Variants in OR1D2 observed in about 807,000 individuals in gnomAD.
The protein encoded by OR1D2 is olfactory receptor family 1 subfamily D member 2, also known as olfactory receptor 1D2.
For synonymous variants in OR1D2, 157 were observed against 153.9 expected (o/e 1.02, Z -0.15); for missense variants, 357 against 376.1 (o/e 0.95, Z 0.42).
intron 1 of OR1D2, among the ~76,000 whole-genome samples, chr17:3,097,608 CA>C (rs1303111224): frequency 6.6e-6 from 1 of 152,180 alleles, no homozygotes; most frequent in African/African-American, 2.4e-5. Context: ...CAGAGCTGTG[CA>C]GATTCTCAAC....
rs991963925 is a variant in OR1D2 at position 3,092,949 on chromosome 17, C to A, written c.48G>T (p.Gly16=). The change falls in exon 2 of 2, where the codon GGG becomes GGT. Residue 16 remains glycine (G), a synonymous_variant. Transcript: ENST00000641833. ...QSEGSEFLLL[G]MSESPEQQRI... is the part of the protein sequence containing the mutation. ...GCTGCTGCTCAGGACTCTCTGACAT[C>A]CCCAGGAGAAGGAACTCTGAACCTT... 8 of 1,613,878 alleles carry A rather than the reference C, an allele frequency of 5.0e-6. No homozygotes were observed. The highest frequency in any genetic ancestry group is 4.0e-5 in the African/African-American group (3 of 74,876).
At position 3,088,932 on chromosome 17, in the gene OR1D2, C is replaced by T. The variant is rs192935131; in HGVS notation, c.*3126G>A. ...TAAGTTGAACTTCACCTTTCTCGGGCACCTCCTTGATTAGCTTAATACTCA... is the reference window on the plus strand; with the variant it reads ...TAAGTTGAACTTCACCTTTCTCGGGTACCTCCTTGATTAGCTTAATACTCA... On this transcript the variant is annotated 3_prime_UTR_variant, in exon 2 of 2. Coordinates refer to ENST00000641833, the MANE Select transcript of OR1D2 (RefSeq NM_002548.3). The T allele has an allele frequency of 3.3e-5, 5 of 151,808 alleles. No homozygotes were observed. The East Asian group carries it at 7.8e-4, about 24-fold the overall frequency. 9.4% of individuals were successfully genotyped at this position (151,808 alleles called of 1,614,324 possible).
In OR1D2 at chr17:3,092,135, T is replaced by C. The variant is rs140300782; in HGVS notation, c.862A>G (p.Ile288Val). The C allele has an allele frequency of 3.1e-4, 495 of 1,614,190 alleles. 3 individuals are homozygous for C. In the African/African-American group the frequency reaches 5.5e-3, roughly 18 times the overall value. ...AVVTPMMNPF[I>V]YSLRNKDMHG... ...ATGTCCTTGTTCCTCAGGCTGTAGA[T>C]GAAGGGATTCATCATGGGTGTCACC... The change falls in exon 2 of 2, where the codon ATC becomes GTC. Residue 288 changes from isoleucine (I) to valine (V), a missense_variant. Ile to Val is a conservative substitution (Grantham distance 29, BLOSUM62 3). Coordinates refer to ENST00000641833, the MANE Select transcript of OR1D2 (RefSeq NM_002548.3).
intron 1 of OR1D2, among the ~76,000 whole-genome samples, chr17:3,094,019 G>A (rs976752697): frequency 2.0e-5 from 3 of 152,296 alleles, no homozygotes; most frequent in Admixed American, 2.0e-4. Flanking sequence ...ACAGGGTGAT[G>A]CTTGCACATC....
chr17:3,090,554 TGAA>T lies in OR1D2; in HGVS notation c.*1501_*1503del, dbSNP rs2047800484. On this transcript the variant is annotated 3_prime_UTR_variant, in exon 2 of 2. Coordinates refer to ENST00000641833, the MANE Select transcript of OR1D2 (RefSeq NM_002548.3). ...AGCTTCACATTTGTGTTTGCACATT[TGAA>T]GAAGCAGTCATCTCTTTTAGTCTTT... 6.6e-6 allele frequency: 1 copy of T among 152,292 alleles called. No homozygotes were observed. The highest frequency in any genetic ancestry group is 2.4e-5 in the African/African-American group (1 of 41,476). The allele number at this position is 152,292 out of a possible 1,614,324, so 9.4% of individuals were successfully genotyped here.
chr17:3,094,324 C>A, intron 1 of OR1D2, among the ~76,000 whole-genome samples: 1 of 152,036 alleles, frequency 6.6e-6, no homozygotes, highest in Admixed American at 6.6e-5. Flanking sequence ...TATAGTGTGC[C>A]TTTTTTTCCT....
chr17:3,093,716 A>C (rs2047828854), intron 1 of OR1D2, among the ~76,000 whole-genome samples: 1 of 152,170 alleles, frequency 6.6e-6, no homozygotes, highest in African/African-American at 2.4e-5. Context: ...ATAATGAAAA[A>C]CTATCTCATC....
Position 3,092,665 on chromosome 17 carries a change from T to G in OR1D2, c.332A>C (p.Asp111Ala). Residue 111 changes from aspartate to alanine, a missense_variant, in exon 2 of 2, where the codon GAC (aspartate) becomes GCC (alanine). Physicochemically the swap from Asp to Ala is moderately radical, Grantham distance 126 (BLOSUM62 -2). Transcript: ENST00000641833. ...LYFLVSLVAL[D>A]NLILAVMAYD... ...TGCCATCACAGCCAGGATGAGGTTGTCCAGGGCCACCAAGGAGACCAGGAA... is the reference window on the plus strand; with the variant it reads ...TGCCATCACAGCCAGGATGAGGTTGGCCAGGGCCACCAAGGAGACCAGGAA... 7 of 1,614,010 alleles carry G rather than the reference T, an allele frequency of 4.3e-6. No individual in the cohort carries two copies. The highest frequency in any genetic ancestry group is 5.9e-6 in the Non-Finnish European group (7 of 1,179,996).
chr17:3,099,360 G>T (rs2047864283), intron 1 of OR1D2, among the ~76,000 whole-genome samples: 2 of 152,078 alleles, frequency 1.3e-5, no homozygotes, highest in African/African-American at 4.8e-5. Flanking sequence ...GAAGAGAGTG[G>T]GGGCCAATAT....
Position 3,092,614 on chromosome 17 carries a change from C to T in OR1D2, c.383G>A (p.Cys128Tyr). The T allele has an allele frequency of 6.2e-7, 1 of 1,613,896 alleles. No homozygotes were observed. Among genetic ancestry groups the T allele is most frequent in the East Asian group, 2.2e-5 (1 of 44,858 alleles). The change falls in exon 2 of 2, where the codon TGC (cysteine) becomes TAC (tyrosine). Residue 128 changes from cysteine (C) to tyrosine (Y), a missense_variant. Coordinates refer to ENST00000641833, the MANE Select transcript of OR1D2 (RefSeq NM_002548.3). ...CATGGCTGTGGTGTAGTGGAGGGGG[C>T]AGCAGATGGCCACATAGCGGTCATA... ...MAYDRYVAIC[C>Y]PLHYTTAMSP... is the part of the protein sequence containing the mutation.
intron 1 of OR1D2, among the ~76,000 whole-genome samples, chr17:3,096,628 A>G (rs1244147053): frequency 1.3e-5 from 2 of 152,216 alleles, no homozygotes; most frequent in Non-Finnish European, 2.9e-5. Flanking sequence ...AAGTCTGACT[A>G]GAGATAAAGT....
chr17:3,095,906 T>A (rs2047842793), intron 1 of OR1D2, among the ~76,000 whole-genome samples: 1 of 152,012 alleles, frequency 6.6e-6, no homozygotes, highest in African/African-American at 2.4e-5. Context: ...CAGTGGATTA[T>A]CAGGATTAAT....
chr17:3,089,801 A>G lies in OR1D2; in HGVS notation c.*2257T>C, dbSNP rs2047795797. ...TATGGCTGCCTCTGCTGTGTCATACAGGTTGCCAGGGAAGTGGTGGAAAGC... is the reference window on the plus strand; with the variant it reads ...TATGGCTGCCTCTGCTGTGTCATACGGGTTGCCAGGGAAGTGGTGGAAAGC... On this transcript the variant is annotated 3_prime_UTR_variant, in exon 2 of 2. Coordinates refer to ENST00000641833, the MANE Select transcript of OR1D2 (RefSeq NM_002548.3). 1 of 152,396 alleles carries G rather than the reference A, an allele frequency of 6.6e-6. No homozygotes were observed. Among genetic ancestry groups the G allele is most frequent in the African/African-American group, 2.4e-5 (1 of 41,450 alleles). The allele number at this position is 152,396 out of a possible 1,614,324, so 9.4% of individuals were successfully genotyped here. A position where few individuals can be genotyped will look rare whatever the true frequency, so the allele number is the denominator to read the frequency against.
chr17:3,094,798 G>C (rs556478733), intron 1 of OR1D2, among the ~76,000 whole-genome samples: 2 of 152,220 alleles, frequency 1.3e-5, no homozygotes, highest in East Asian at 3.9e-4. Context: ...AGAATGTCAT[G>C]ACAAATGGGG....
In OR1D2 at chr17:3,089,931, G is replaced by A. The variant is rs2047796790; in HGVS notation, c.*2127C>T. 1.3e-5 allele frequency: 2 copies of A among 152,316 alleles called. No individual in the cohort carries two copies. Among genetic ancestry groups the A allele is most frequent in the Admixed American group, 1.3e-4 (2 of 15,282 alleles). 9.4% of individuals were successfully genotyped at this position (152,316 alleles called of 1,614,324 possible). A position where few individuals can be genotyped will look rare whatever the true frequency, so the allele number is the denominator to read the frequency against. ...CTGAGTTTATTTCCGGGTAGCTGGT[G>A]AGCAGGGCTGAAAACTTGTTCCAGG... is the stretch of plus-strand genomic sequence containing the variant. On this transcript the variant is annotated 3_prime_UTR_variant, in exon 2 of 2. Transcript: ENST00000641833.
chr17:3,093,147 A>G, intron 1 of OR1D2, 101 bp from the exon 2 acceptor site: 1 of 721,220 alleles, frequency 1.4e-6, no homozygotes, highest in Non-Finnish European at 2.3e-6. Context: ...AAGAAAGTGA[A>G]AAATATAACA....
At chr17:3,101,724 C>T (rs1231994621) in intron 1 of OR1D2, among the ~76,000 whole-genome samples, 3 of 152,104 alleles carry the variant, frequency 2.0e-5, no homozygotes, top group Non-Finnish European at 4.4e-5. Context: ...GAGAGGAAGT[C>T]GAATTGTCTG....
rs1488174092 is a variant in OR1D2 at position 3,090,830 on chromosome 17, T to TC, written c.*1227_*1228insG. On this transcript the variant is annotated 3_prime_UTR_variant, in exon 2 of 2. Transcript: ENST00000641833. ...CCCAACCATTTTCTTATTTTTTTTT[T>TC]TTCTTGTTCTTAGCTACTCAGAGGG... 1.3e-5 allele frequency: 2 copies of TC among 152,050 alleles called. No individual in the cohort carries two copies. Among genetic ancestry groups the TC allele is most frequent in the Non-Finnish European group, 2.9e-5 (2 of 68,004 alleles). The allele number at this position is 152,050 out of a possible 1,614,324, so 9.4% of individuals were successfully genotyped here.
rs1456020899 is a variant in OR1D2, at chr17:3,089,251, C to G, written c.*2807G>C. 6.6e-6 allele frequency: 1 copy of G among 152,288 alleles called. No individual in the cohort carries two copies. The highest frequency in any genetic ancestry group is 1.5e-5 in the Non-Finnish European group (1 of 68,104). The allele number at this position is 152,288 out of a possible 1,614,324, so 9.4% of individuals were successfully genotyped here. ...CCAAACTGCAATGATTGTTATTTCT[C>G]TGCTGGTCTAGCCATCCAACAGAGC... On this transcript the variant is annotated 3_prime_UTR_variant, in exon 2 of 2. Transcript: ENST00000641833.
Sources: allele counts gnomAD v4.1 joint callset (sites outside exome capture counted in the v4.1 genomes callset), GRCh38; gene constraint gnomAD v4.1.1; transcripts MANE v1.5; gene names NCBI Gene and HGNC (gene_info 2026-07-23, HGNC 2026-07-21).